CNTNAP2: variants seen among roughly 807,000 people sequenced by gnomAD.
The protein encoded by CNTNAP2 is contactin-associated protein-like 2.
CNTNAP2 carries 98 observed loss-of-function variants against 155.2 expected under a neutral mutation model. The ratio of observed to expected loss-of-function variants is 0.63; its 90% CI spans 0.54 to 0.75. CNTNAP2 has a LOEUF of 0.75. Among genes scored for constraint, CNTNAP2 ranks in the 30% least tolerant of loss-of-function variants. CNTNAP2 has a pLI of 0.00. For missense variants in CNTNAP2, 1,727 were observed against 1,688.1 expected (o/e 1.02, Z -0.40); for synonymous variants, 651 against 631.2 (o/e 1.03, Z -0.47).
intron 12 of CNTNAP2, among the ~76,000 whole-genome samples, chr7:147,580,492 T>C (rs1181860896): frequency 2.6e-5 from 4 of 152,236 alleles, no homozygotes; most frequent in Admixed American, 1.3e-4. Context: ...TTTTTTTTAA[T>C]TGGGTTCAGC....
chr7:146,490,501 G>A (rs753875523), intron 1 of CNTNAP2, among the ~76,000 whole-genome samples: 3 of 152,146 alleles, frequency 2.0e-5, no homozygotes, highest in Non-Finnish European at 4.4e-5. Context: ...TTTGAGTAAA[G>A]GCTGATAAAT....
At chr7:148,028,901 A>G (rs1802419119) in intron 15 of CNTNAP2, among the ~76,000 whole-genome samples, 1 of 152,216 alleles carries the variant, frequency 6.6e-6, no homozygotes, top group African/African-American at 2.4e-5. Flanking sequence ...ACAAGTCTTC[A>G]GTTTCAGATT....
intron 8 of CNTNAP2, among the ~76,000 whole-genome samples, chr7:147,181,461 T>C (rs893422490): frequency 3.3e-5 from 5 of 152,250 alleles, no homozygotes; most frequent in African/African-American, 4.8e-5. Context: ...TTAGATAATG[T>C]AAATGTTTAT....
intron 1 of CNTNAP2, among the ~76,000 whole-genome samples, chr7:146,556,693 A>G (rs1454573472): frequency 6.6e-6 from 1 of 152,176 alleles, no homozygotes; most frequent in East Asian, 1.9e-4. Context: ...TTTCCTTGAA[A>G]CAAACATTAC....
intron 13 of CNTNAP2, among the ~76,000 whole-genome samples, chr7:147,851,473 G>A (rs531400464): frequency 1.3e-4 from 20 of 151,100 alleles, no homozygotes; most frequent in South Asian, 1.1e-3. Flanking sequence ...ACATGCACAC[G>A]TATGTTTATT....
intron 2 of CNTNAP2, among the ~76,000 whole-genome samples, chr7:146,789,529 A>G (rs1335304218): frequency 6.6e-6 from 1 of 151,984 alleles, no homozygotes; most frequent in South Asian, 2.1e-4. Context: ...TTTTCACTAT[A>G]CTAAAAGCCT....
intron 1 of CNTNAP2, among the ~76,000 whole-genome samples, chr7:146,595,655 C>A (rs1048345177): frequency 1.3e-4 from 20 of 152,044 alleles, no homozygotes; most frequent in African/African-American, 4.8e-4. Flanking sequence ...AGCAAGCATT[C>A]CCTAAATTAC....
At chr7:146,480,687 CTTT>C (rs34440695) in intron 1 of CNTNAP2, among the ~76,000 whole-genome samples, 1 of 121,222 alleles carries the variant, frequency 8.2e-6, no homozygotes, top group Non-Finnish European at 1.7e-5. Context: ...TTTTTTTTTC[CTTT>C]TTTTTTTTTT....
chr7:147,569,733 A>G (rs1162659299), intron 12 of CNTNAP2, among the ~76,000 whole-genome samples: 1 of 152,224 alleles, frequency 6.6e-6, no homozygotes, highest in Non-Finnish European at 1.5e-5. Flanking sequence ...GCCTGTTATT[A>G]AGTGACACAT....
At chr7:147,207,608 A>C (rs1481729660) in intron 8 of CNTNAP2, among the ~76,000 whole-genome samples, 1 of 152,186 alleles carries the variant, frequency 6.6e-6, no homozygotes, top group Non-Finnish European at 1.5e-5. Flanking sequence ...TATGGAAAGA[A>C]AATGAAGTTC....
In CNTNAP2 at chr7:146,613,161, C is replaced by T. The variant is rs373888081; in HGVS notation, c.98-161110C>T. Among the ~76,000 whole-genome samples, 37 of 152,260 alleles carry T rather than the reference C, an allele frequency of 2.4e-4. No individual in the cohort carries two copies. In the East Asian group the frequency reaches 5.8e-3, roughly 24 times the overall value. ...AGACAAATTGTCTTGGTTGCATCCACCACTGTTAAAACCTCCAATGTCACA... is the reference window on the plus strand; with the variant it reads ...AGACAAATTGTCTTGGTTGCATCCATCACTGTTAAAACCTCCAATGTCACA... On this transcript the variant is annotated intron_variant, in intron 1 of 23. Transcript: ENST00000361727.
intron 1 of CNTNAP2, among the ~76,000 whole-genome samples, chr7:146,176,024 A>T (rs1798465013): frequency 6.6e-6 from 1 of 152,236 alleles, no homozygotes; most frequent in African/African-American, 2.4e-5. Flanking sequence ...CCACAGCTAC[A>T]GTTATTGCTA....
rs1453698502 is a variant in CNTNAP2 at position 146,679,504 on chromosome 7, C to T, written c.98-94767C>T. 1.4e-4 allele frequency among the ~76,000 whole-genome samples: 22 copies of T among 151,886 alleles called. 1 individual carries two copies. The highest frequency in any genetic ancestry group is 1.3e-3 in the Admixed American group (20 of 15,264). ...CTGAGTGGCTGGGATTACAGGCGCC[C>T]GCCAACACGCCCAGCTAATTTTTTG... is the stretch of plus-strand genomic sequence containing the variant. On this transcript the variant is annotated intron_variant, in intron 1 of 23. Coordinates refer to ENST00000361727, the MANE Select transcript of CNTNAP2 (RefSeq NM_014141.6).
chr7:146,969,317 T>G (rs1797731557), intron 3 of CNTNAP2, among the ~76,000 whole-genome samples: 1 of 152,172 alleles, frequency 6.6e-6, no homozygotes, highest in Non-Finnish European at 1.5e-5. Flanking sequence ...TCTGTAGATG[T>G]CTATTAGGTC....
At chr7:148,257,122 A>C (rs1796468820) in intron 20 of CNTNAP2, among the ~76,000 whole-genome samples, 1 of 152,090 alleles carries the variant, frequency 6.6e-6, no homozygotes, top group Non-Finnish European at 1.5e-5. Flanking sequence ...AGGTCACAGC[A>C]CAGGGGCAAG....
intron 15 of CNTNAP2, among the ~76,000 whole-genome samples, chr7:148,113,015 T>C (rs1804388683): frequency 6.6e-6 from 1 of 152,198 alleles, no homozygotes; most frequent in Admixed American, 6.5e-5. Context: ...TGTAATACTT[T>C]GTTAGAAACA....
At chr7:146,577,277 G>C (rs1448128148) in intron 1 of CNTNAP2, among the ~76,000 whole-genome samples, 1 of 152,094 alleles carries the variant, frequency 6.6e-6, no homozygotes, top group African/African-American at 2.4e-5. Flanking sequence ...TGGCAGTTAA[G>C]TTTTTGCCTA....
intron 12 of CNTNAP2, among the ~76,000 whole-genome samples, chr7:147,567,821 C>T (rs1800202998): frequency 6.6e-6 from 1 of 152,186 alleles, no homozygotes; most frequent in South Asian, 2.1e-4. Context: ...CACGGCGGCT[C>T]ATGCCTGTAA....
intron 1 of CNTNAP2, among the ~76,000 whole-genome samples, chr7:146,392,414 A>G (rs1426942805): frequency 6.6e-6 from 1 of 152,276 alleles, no homozygotes; most frequent in African/African-American, 2.4e-5. Context: ...GATGTAAAGG[A>G]TAAAGAAGGA....
Sources: allele counts gnomAD v4.1 joint callset (sites outside exome capture counted in the v4.1 genomes callset), GRCh38; gene constraint gnomAD v4.1.1; transcripts MANE v1.5; gene names NCBI Gene and HGNC (gene_info 2026-07-23, HGNC 2026-07-21).